Variants in RNF115 observed in about 807,000 individuals in gnomAD.
RNF115 encodes E3 ubiquitin-protein ligase RNF115.
A neutral mutation model predicts 39.2 loss-of-function variants in RNF115; 31 were observed. That is an observed-to-expected ratio of 0.79 (90% CI 0.59 to 1.07). RNF115 has a LOEUF of 1.07. RNF115 is among the 50% of genes least tolerant of loss of function. RNF115 has a pLI of 0.00. For synonymous variants in RNF115, 124 were observed against 131.0 expected (o/e 0.95, Z 0.37); for missense variants, 384 against 381.7 (o/e 1.01, Z -0.05).
chr1:145,761,091 G>A (rs1192940159), intron 4 of RNF115, among the ~76,000 whole-genome samples: 2 of 152,208 alleles, frequency 1.3e-5, no homozygotes, highest in Non-Finnish European at 2.9e-5. Context: ...AGAATATCTG[G>A]TGGAAGAAAC....
rs1164426260 is a variant in RNF115, at chr1:145,812,200, A to C, written c.102+11572T>G. On this transcript the variant is annotated intron_variant, in intron 1 of 8. Coordinates refer to ENST00000582693, the MANE Select transcript of RNF115 (RefSeq NM_014455.4). ...AAGGTAAGCAAAATGAAACTTCTGGAAGATGGTACTATGGGTTAAAAGTCT... is the reference window on the plus strand; with the variant it reads ...AAGGTAAGCAAAATGAAACTTCTGGCAGATGGTACTATGGGTTAAAAGTCT... 1.0e-4 allele frequency among the ~76,000 whole-genome samples: 15 copies of C among 149,480 alleles called. No individual in the cohort carries two copies. The East Asian group carries it at 2.5e-3, about 25-fold the overall frequency.
intron 1 of RNF115, among the ~76,000 whole-genome samples, chr1:145,798,990 G>T (rs1321212233): frequency 6.6e-6 from 1 of 150,878 alleles, no homozygotes; most frequent in Non-Finnish European, 1.5e-5. Flanking sequence ...ACTAATTTTT[G>T]TGTGTTGATT....
chr1:145,782,564 G>A (rs1553717577), intron 3 of RNF115, among the ~76,000 whole-genome samples: 1 of 152,172 alleles, frequency 6.6e-6, no homozygotes, highest in Non-Finnish European at 1.5e-5. Flanking sequence ...ACACCTGAAG[G>A]ATAACTCATG....
chr1:145,796,513 G>A (rs587758705), intron 1 of RNF115, among the ~76,000 whole-genome samples: 1 of 150,462 alleles, frequency 6.6e-6, no homozygotes, highest in South Asian at 2.1e-4. Flanking sequence ...TGTAACTTCC[G>A]CCTCCTGAGA....
rs1437574358 is a variant in RNF115, at chr1:145,824,035, G to A, written c.-162C>T. The A allele has an allele frequency of 1.4e-5, 7 of 510,182 alleles. No homozygotes were observed. The highest frequency in any genetic ancestry group is 1.7e-5 in the Non-Finnish European group (5 of 299,592). 31.6% of individuals were successfully genotyped at this position (510,182 alleles called of 1,614,324 possible). ...AGTTGGCCAGGCCCAGAAACGCGGCGGCGCCAACAGCTACCCTGCGGCCCG... is the reference window on the plus strand; with the variant it reads ...AGTTGGCCAGGCCCAGAAACGCGGCAGCGCCAACAGCTACCCTGCGGCCCG... On this transcript the variant is annotated 5_prime_UTR_variant, in exon 1 of 9. Transcript: ENST00000582693.
At position 145,784,572 on chromosome 1, in the gene RNF115, C is replaced by A. The variant is rs782271649; in HGVS notation, c.186G>T (p.Arg62=). The change falls in exon 3 of 9, where the codon CGG becomes CGT. Residue 62 remains arginine, a synonymous_variant. Transcript: ENST00000582693. Reference sequence around the variant, plus strand: ...AATGTGTTGTTGTGGTATTGTCTATCCGACTGCCGCCACCACCTAAAAAAC... The same window carrying A: ...AATGTGTTGTTGTGGTATTGTCTATACGACTGCCGCCACCACCTAAAAAAC... ...DSSFLGGGGS[R]IDNTTTTHFA... The A allele has an allele frequency of 3.1e-6, 5 of 1,613,936 alleles. No individual in the cohort carries two copies. In the East Asian group the frequency reaches 1.1e-4, roughly 36 times the overall value.
intron 1 of RNF115, 22 bp from the exon 2 acceptor site, chr1:145,788,988 A>G (rs1553718547): frequency 6.6e-7 from 1 of 1,511,522 alleles, no homozygotes; most frequent in African/African-American, 1.4e-5. Flanking sequence ...AGGAAGAAAC[A>G]AATAAAACTT....
In RNF115 at chr1:145,739,521, G is replaced by A. The variant is rs1657627751; in HGVS notation, c.*7345C>T. 6.6e-6 allele frequency: 1 copy of A among 152,060 alleles called. No homozygotes were observed. The highest frequency in any genetic ancestry group is 1.5e-5 in the Non-Finnish European group (1 of 68,040). The allele number at this position is 152,060 out of a possible 1,614,324, so 9.4% of individuals were successfully genotyped here. ...AAAGGACTAGCCATGGAGGCAAAAAGACCTGGATTCAAATTCTGGCTCTGC... is the reference window on the plus strand; with the variant it reads ...AAAGGACTAGCCATGGAGGCAAAAAAACCTGGATTCAAATTCTGGCTCTGC... On this transcript the variant is annotated 3_prime_UTR_variant, in exon 9 of 9. Transcript: ENST00000582693.
chr1:145,811,281 G>C (rs587680767), intron 1 of RNF115, among the ~76,000 whole-genome samples: 1 of 150,654 alleles, frequency 6.6e-6, no homozygotes, highest in African/African-American at 2.4e-5. Context: ...CAGCACTTTG[G>C]GAGGCCAAGG....
chr1:145,814,788 C>T (rs1256879749), intron 1 of RNF115, among the ~76,000 whole-genome samples: 1 of 152,120 alleles, frequency 6.6e-6, no homozygotes, highest in Non-Finnish European at 1.5e-5. Context: ...AAACTAGCCT[C>T]TACCTATAAG....
intron 6 of RNF115, among the ~76,000 whole-genome samples, chr1:145,750,927 C>T (rs1658063150): frequency 6.6e-6 from 1 of 152,182 alleles, no homozygotes; most frequent in Non-Finnish European, 1.5e-5. Context: ...TATAAGACGA[C>T]TGAATATAAA....
At chr1:145,757,204 A>G (rs951935233) in intron 4 of RNF115, among the ~76,000 whole-genome samples, 10 of 152,122 alleles carry the variant, frequency 6.6e-5, no homozygotes, top group Non-Finnish European at 1.5e-4. Context: ...TGATCTTACT[A>G]TAACTTGACT....
chr1:145,743,370 G>A lies in RNF115; in HGVS notation c.*3496C>T, dbSNP rs1300258148. ...GAACAGAAACATCAGCTCTTCTAGG[G>A]TATCCAAGCTGGCCTTCAGACTGGA... On this transcript the variant is annotated 3_prime_UTR_variant, in exon 9 of 9. Coordinates refer to ENST00000582693, the MANE Select transcript of RNF115 (RefSeq NM_014455.4). The A allele has an allele frequency of 6.6e-6, 1 of 152,162 alleles. No individual in the cohort carries two copies. Among genetic ancestry groups the A allele is most frequent in the African/African-American group, 2.4e-5 (1 of 41,394 alleles). The allele number at this position is 152,162 out of a possible 1,614,324, so 9.4% of individuals were successfully genotyped here.
intron 3 of RNF115, among the ~76,000 whole-genome samples, chr1:145,779,765 C>A (rs1013570296): frequency 2.0e-5 from 3 of 151,898 alleles, no homozygotes; most frequent in African/African-American, 7.3e-5. Flanking sequence ...TGGGTTCAAG[C>A]GATTCTCCTG....
At chr1:145,792,087 G>A (rs587680180) in intron 1 of RNF115, among the ~76,000 whole-genome samples, 7 of 152,042 alleles carry the variant, frequency 4.6e-5, no homozygotes, top group African/African-American at 1.7e-4. Flanking sequence ...CCAGCTATTT[G>A]TATTTTTGGT....
intron 7 of RNF115, among the ~76,000 whole-genome samples, chr1:145,749,401 C>T (rs1289447473): frequency 3.3e-5 from 5 of 152,150 alleles, no homozygotes; most frequent in African/African-American, 4.8e-5. Flanking sequence ...CTTGGATTCT[C>T]AGCTGGCACC....
intron 1 of RNF115, among the ~76,000 whole-genome samples, chr1:145,817,604 TA>T (rs765881439): frequency 1.4e-4 from 19 of 138,440 alleles, no homozygotes; most frequent in East Asian, 4.0e-4. Context: ...TTTCTACACA[TA>T]TTTTTTTTGA....
At position 145,747,980 on chromosome 1, in the gene RNF115, A is replaced by G. The variant is rs781818013; in HGVS notation, c.783+15T>C. The G allele has an allele frequency of 6.5e-7, 1 of 1,540,426 alleles. No homozygotes were observed. The highest frequency in any genetic ancestry group is 9.0e-7 in the Non-Finnish European group (1 of 1,112,944). Reference sequence around the variant, plus strand: ...TGAATCATCCCCCAAAGAAGCCATGACTTGCTGTACTCACCAGTTCTAGCC... The same window carrying G: ...TGAATCATCCCCCAAAGAAGCCATGGCTTGCTGTACTCACCAGTTCTAGCC... On this transcript the variant is annotated intron_variant, in intron 8 of 8. Coordinates refer to ENST00000582693, the MANE Select transcript of RNF115 (RefSeq NM_014455.4).
intron 1 of RNF115, among the ~76,000 whole-genome samples, chr1:145,792,178 A>G (rs1218409128): frequency 1.3e-5 from 2 of 152,176 alleles, no homozygotes; most frequent in Admixed American, 6.5e-5. Flanking sequence ...TTGGCCTCCC[A>G]AAGTGCTGGA....
Sources: gnomAD v4.1 joint callset for allele counts (sites outside exome capture counted in the v4.1 genomes callset) on GRCh38, gnomAD v4.1.1 for gene constraint, MANE v1.5 for transcripts, NCBI Gene and HGNC (gene_info 2026-07-23, HGNC 2026-07-21) for gene names.